Variants in GTF2E2 observed in about 807,000 individuals in gnomAD.
The protein encoded by GTF2E2 is general transcription factor IIE subunit 2.
GTF2E2 carries 21 observed loss-of-function variants against 40.5 expected under a neutral mutation model. The ratio of observed to expected loss-of-function variants is 0.52; its 90% confidence interval spans 0.37 to 0.75. GTF2E2 has a LOEUF of 0.75. GTF2E2 is among the 30% of genes least tolerant of loss of function. The pLI, the probability that GTF2E2 is intolerant of heterozygous loss-of-function variation, is 0.00. For missense variants in GTF2E2, 298 were observed against 338.4 expected (o/e 0.88, Z 0.94); for synonymous variants, 117 against 121.6 (o/e 0.96, Z 0.25).
At chr8:30,630,797 G>A (rs1801417678) in intron 3 of GTF2E2, among the ~76,000 whole-genome samples, 1 of 152,088 alleles carries the variant, frequency 6.6e-6, no homozygotes, top group Non-Finnish European at 1.5e-5. Context: ...GTCTTTTCCA[G>A]TCACATATTT....
chr8:30,598,070 T>C (rs1421977533), intron 6 of GTF2E2, among the ~76,000 whole-genome samples: 2 of 152,244 alleles, frequency 1.3e-5, no homozygotes. Context: ...ATGTGAAAAC[T>C]GTATCCATTT....
intron 2 of GTF2E2, chr8:30,638,521 G>A (rs1801688002): frequency 6.6e-6 from 1 of 152,588 alleles, no homozygotes; most frequent in Non-Finnish European, 1.5e-5. Flanking sequence ...GAACATAGAG[G>A]AAACTGTCAG....
intron 6 of GTF2E2, among the ~76,000 whole-genome samples, chr8:30,595,850 A>AAAGGGG (rs1462999089): frequency 2.6e-5 from 4 of 152,136 alleles, no homozygotes; most frequent in African/African-American, 7.2e-5. Flanking sequence ...AAGGAAAGGA[A>AAAGGGG]AAGGGGAAGG....
chr8:30,654,516 C>T (rs1802395267), intron 1 of GTF2E2, among the ~76,000 whole-genome samples: 1 of 152,142 alleles, frequency 6.6e-6, no homozygotes, highest in African/African-American at 2.4e-5. Flanking sequence ...AATCCTCCCA[C>T]CTCAGCCTCC....
intron 3 of GTF2E2, among the ~76,000 whole-genome samples, chr8:30,631,980 C>T (rs996022970): frequency 2.0e-5 from 3 of 152,030 alleles, no homozygotes; most frequent in Admixed American, 6.6e-5. Flanking sequence ...CATGGTGGCA[C>T]GTGCCTGTAG....
chr8:30,584,158 T>C (rs1332578436), intron 6 of GTF2E2, among the ~76,000 whole-genome samples: 1 of 151,960 alleles, frequency 6.6e-6, no homozygotes, highest in Non-Finnish European at 1.5e-5. Context: ...ATCACTAAGA[T>C]TTCCTTCATG....
In GTF2E2 at chr8:30,593,621, T is replaced by C. The variant is rs1266497605; in HGVS notation, c.644-13225A>G. Among the ~76,000 whole-genome samples the C allele has an allele frequency of 2.6e-5, 4 of 152,214 alleles. No homozygotes were observed. In the East Asian group the frequency reaches 7.7e-4, roughly 29 times the overall value. Reference sequence around the variant, plus strand: ...GATCCTCCCACCTCAGCTTCCTGAGTAGCACTACGAGACTACAGGTGCACA... The same window carrying C: ...GATCCTCCCACCTCAGCTTCCTGAGCAGCACTACGAGACTACAGGTGCACA... On this transcript the variant is annotated intron_variant, in intron 6 of 7. Coordinates refer to ENST00000355904, the MANE Select transcript of GTF2E2 (RefSeq NM_002095.6).
rs777646389 is a variant in GTF2E2, at chr8:30,614,697, C to T, written c.277G>A (p.Asp93Asn). ...TCATCTAAGGTTAGAGGATGCGTAT[C>T]TCCTCGCTGATGCCGTGTCTATCAA... ...NYMKTRHQRG[D>N]THPLTLDEIL... Residue 93 changes from aspartate to asparagine, a missense_variant, in exon 4 of 8, where the codon GAT becomes AAT. Transcript: ENST00000355904. 4 of 1,601,490 alleles carry T rather than the reference C, an allele frequency of 2.5e-6. No homozygotes were observed. In the African/African-American group the frequency reaches 4.0e-5, roughly 16 times the overall value.
intron 6 of GTF2E2, among the ~76,000 whole-genome samples, chr8:30,592,422 T>C (rs1457001290): frequency 1.3e-5 from 2 of 152,282 alleles, no homozygotes; most frequent in African/African-American, 2.4e-5. Context: ...TCTCCAAATA[T>C]AGCTACTAGC....
At chr8:30,646,209 T>C (rs1417359718) in intron 2 of GTF2E2, 1 of 152,234 alleles carries the variant, frequency 6.6e-6, no homozygotes, top group Non-Finnish European at 1.5e-5. Flanking sequence ...TAGTTAGAAA[T>C]GCATGATATA....
At chr8:30,616,635 T>C (rs1800926307) in intron 3 of GTF2E2, among the ~76,000 whole-genome samples, 1 of 152,032 alleles carries the variant, frequency 6.6e-6, no homozygotes, top group Admixed American at 6.6e-5. Context: ...GGTGAACTCA[T>C]GTAAACTATG....
At chr8:30,637,492 G>C (rs1363808123) in intron 2 of GTF2E2, among the ~76,000 whole-genome samples, 4 of 152,108 alleles carry the variant, frequency 2.6e-5, no homozygotes, top group Non-Finnish European at 5.9e-5. Flanking sequence ...AGAAACTAAT[G>C]TACCAATTCA....
intron 3 of GTF2E2, among the ~76,000 whole-genome samples, chr8:30,615,238 C>A (rs1800884260): frequency 6.6e-6 from 1 of 152,066 alleles, no homozygotes; most frequent in African/African-American, 2.4e-5. Context: ...GAGATCATGC[C>A]ACTGCACTCC....
chr8:30,599,003 A>C (rs1352091425), intron 6 of GTF2E2, among the ~76,000 whole-genome samples: 1 of 152,234 alleles, frequency 6.6e-6, no homozygotes, highest in Admixed American at 6.5e-5. Context: ...ATTTATAAAA[A>C]TTAATAAAAT....
intron 6 of GTF2E2, among the ~76,000 whole-genome samples, chr8:30,602,394 G>A (rs1390854506): frequency 6.6e-6 from 1 of 151,942 alleles, no homozygotes; most frequent in Non-Finnish European, 1.5e-5. Context: ...TACACTTAGG[G>A]TATTACACTG....
At chr8:30,602,309 C>G (rs1829204112) in intron 6 of GTF2E2, among the ~76,000 whole-genome samples, 1 of 152,026 alleles carries the variant, frequency 6.6e-6, no homozygotes, top group Non-Finnish European at 1.5e-5. Context: ...TGGGTCACAG[C>G]ACCTGGCTGA....
intron 3 of GTF2E2, among the ~76,000 whole-genome samples, chr8:30,630,692 G>T (rs998299743): frequency 6.6e-6 from 1 of 151,970 alleles, no homozygotes; most frequent in African/African-American, 2.4e-5. Context: ...AAACTCCAGG[G>T]ACCCAAACAA....
In GTF2E2 at chr8:30,639,646, C is replaced by G. The variant is rs188323832; in HGVS notation, c.167-4523G>C. ...AATTTCTAATTTTATACTATTCAAG[C>G]ATGAAAATTTAGTTATTTACTAGAT... On this transcript the variant is annotated intron_variant, in intron 2 of 7. Transcript: ENST00000355904. 1.3e-3 allele frequency among the ~76,000 whole-genome samples: 202 copies of G among 152,166 alleles called. 2 individuals carry two copies. Among genetic ancestry groups the G allele is most frequent in the South Asian group, 0.012 (59 of 4,818 alleles).
chr8:30,644,976 C>T (rs1320867746), intron 2 of GTF2E2, among the ~76,000 whole-genome samples: 1 of 152,082 alleles, frequency 6.6e-6, no homozygotes, highest in Non-Finnish European at 1.5e-5. Context: ...TCTTGAACTC[C>T]TGGGCTCAAG....
Sources: allele counts gnomAD v4.1 joint callset (sites outside exome capture counted in the v4.1 genomes callset), GRCh38; gene constraint gnomAD v4.1.1; transcripts MANE v1.5; gene names NCBI Gene and HGNC (gene_info 2026-07-23, HGNC 2026-07-21).